PTBP2: variants seen among roughly 807,000 people sequenced by gnomAD.
The protein encoded by PTBP2 is polypyrimidine tract-binding protein 2.
Under a neutral mutation model 61.4 loss-of-function variants are expected in PTBP2, and 13 were observed. The ratio of observed to expected loss-of-function variants is 0.21; its 90% CI spans 0.14 to 0.34. PTBP2 has a LOEUF of 0.34. Among genes scored for constraint, PTBP2 ranks in the 10% least tolerant of loss-of-function variants. The pLI is 1.00. For missense variants in PTBP2, 405 were observed against 642.6 expected, an observed-to-expected ratio of 0.63 and a Z score of 4.00; for synonymous variants, 215 against 218.5, an observed-to-expected ratio of 0.98 and a Z score of 0.14.
chr1:96,767,010 A>G (rs1424452427), intron 3 of PTBP2, among the ~76,000 whole-genome samples: 2 of 152,182 alleles, frequency 1.3e-5, no homozygotes, highest in African/African-American at 2.4e-5. Context: ...TTGATAGGTC[A>G]TAATGATAGC....
intron 2 of PTBP2, among the ~76,000 whole-genome samples, chr1:96,739,421 T>C (rs1201564602): frequency 6.6e-6 from 1 of 152,122 alleles, no homozygotes. Context: ...TCCAGAACTT[T>C]TTGGAGAACT....
At chr1:96,797,628 G>A (rs78841582) in intron 8 of PTBP2, among the ~76,000 whole-genome samples, 1,735 of 151,988 alleles carry the variant, frequency 0.011, 37 homozygotes, top group African/African-American at 0.04. Flanking sequence ...TACACCCCCT[G>A]GATACTCAAA....
intron 3 of PTBP2, among the ~76,000 whole-genome samples, chr1:96,758,132 A>G (rs1655375191): frequency 6.6e-6 from 1 of 152,060 alleles, no homozygotes; most frequent in South Asian, 2.1e-4. Context: ...AGAATATAAT[A>G]GGAAAATAAG....
intron 11 of PTBP2, among the ~76,000 whole-genome samples, chr1:96,811,715 A>G (rs184595618): frequency 2.6e-5 from 4 of 152,254 alleles, no homozygotes; most frequent in Admixed American, 2.0e-4. Flanking sequence ...CGCGCCCGGC[A>G]TCTACTGTTA....
At chr1:96,767,265 A>G (rs1042340796) in intron 3 of PTBP2, among the ~76,000 whole-genome samples, 1 of 152,126 alleles carries the variant, frequency 6.6e-6, no homozygotes, top group Non-Finnish European at 1.5e-5. Flanking sequence ...TTTCCTTAAT[A>G]ATAGGTTTAG....
At chr1:96,783,995 A>T (rs1225630019) in intron 7 of PTBP2, among the ~76,000 whole-genome samples, 1 of 152,138 alleles carries the variant, frequency 6.6e-6, no homozygotes, top group Admixed American at 6.5e-5. Context: ...CCATAAAAAA[A>T]TTCGTATATT....
chr1:96,738,908 G>A (rs1027733472), intron 2 of PTBP2, among the ~76,000 whole-genome samples: 1 of 152,148 alleles, frequency 6.6e-6, no homozygotes, highest in Non-Finnish European at 1.5e-5. Context: ...ATATTTTTTA[G>A]ATGCTGATTA....
chr1:96,793,748 A>C (rs941739056), intron 8 of PTBP2, among the ~76,000 whole-genome samples: 1 of 152,134 alleles, frequency 6.6e-6, no homozygotes, highest in Non-Finnish European at 1.5e-5. Context: ...TCTTTTAGAG[A>C]GCTTATTCAA....
chr1:96,725,533 T>G (rs1557679360), intron 2 of PTBP2, among the ~76,000 whole-genome samples: 4 of 152,042 alleles, frequency 2.6e-5, no homozygotes, highest in African/African-American at 9.7e-5. Context: ...TCTCCTGACC[T>G]TGTGGTTACA....
intron 2 of PTBP2, among the ~76,000 whole-genome samples, chr1:96,725,658 T>C (rs115912629): frequency 0.011 from 1,739 of 152,282 alleles, 38 homozygotes; most frequent in African/African-American, 0.04. Context: ...TAAAGTTAAT[T>C]TAATTTTCTG....
At chr1:96,770,605 G>C in intron 4 of PTBP2, 103 bp from the exon 5 acceptor site, 1 of 1,022,112 alleles carries the variant, frequency 9.8e-7, no homozygotes, top group Non-Finnish European at 1.4e-6. Flanking sequence ...TAACCTGAAG[G>C]ATTATATTCT....
intron 8 of PTBP2, among the ~76,000 whole-genome samples, chr1:96,796,117 T>A (rs1172556512): frequency 6.6e-6 from 1 of 152,016 alleles, no homozygotes; most frequent in African/African-American, 2.4e-5. Flanking sequence ...TTAGGACCAT[T>A]GTTAGAACCA....
At chr1:96,819,951 A>G (rs868388544), downstream of PTBP2, 1 of 151,976 alleles carries the variant, frequency 6.6e-6, no homozygotes, top group Non-Finnish European at 1.5e-5. Flanking sequence ...GAAATTAGCT[A>G]CAGGAAGAGA....
chr1:96,806,687 CT>C, intron 10 of PTBP2, 178 bp from the exon 11 acceptor site: 1 of 659,818 alleles, frequency 1.5e-6, no homozygotes, highest in East Asian at 2.8e-5. Context: ...AAAAATTATT[CT>C]TTTCAAAATT....
At chr1:96,774,716 C>A (rs765788533) in intron 5 of PTBP2, among the ~76,000 whole-genome samples, 6 of 152,158 alleles carry the variant, frequency 3.9e-5, no homozygotes, top group Non-Finnish European at 8.8e-5. Context: ...CTTTTCCCTT[C>A]TGGAATTTTT....
intron 8 of PTBP2, among the ~76,000 whole-genome samples, chr1:96,789,113 G>A (rs556312350): frequency 2.6e-5 from 4 of 151,870 alleles, no homozygotes; most frequent in Admixed American, 2.6e-4. Flanking sequence ...AAAATTGCTG[G>A]AAGTAATTTT....
At chr1:96,745,173 CTT>C (rs35356252) in intron 2 of PTBP2, among the ~76,000 whole-genome samples, 18 of 146,944 alleles carry the variant, frequency 1.2e-4, no homozygotes, top group Admixed American at 2.0e-4. Context: ...AGCAATATTG[CTT>C]TTTTTTTTTT....
At chr1:96,796,474 A>G (rs2101129918) in intron 8 of PTBP2, among the ~76,000 whole-genome samples, 1 of 152,304 alleles carries the variant, frequency 6.6e-6, no homozygotes, top group African/African-American at 2.4e-5. Flanking sequence ...TGATCTAAAA[A>G]TTATAAGGCA....
chr1:96,780,719 TTC>T (rs1658560173), intron 7 of PTBP2, among the ~76,000 whole-genome samples: 1 of 151,976 alleles, frequency 6.6e-6, no homozygotes, highest in African/African-American at 2.4e-5. Flanking sequence ...CCTCTTATGA[TTC>T]AGACAGAGTT....
Sources: gnomAD v4.1 joint callset for allele counts (sites outside exome capture counted in the v4.1 genomes callset) on GRCh38, gnomAD v4.1.1 for gene constraint, MANE v1.5 for transcripts, NCBI Gene and HGNC (gene_info 2026-07-23, HGNC 2026-07-21) for gene names.